Variants in PCLO observed in about 807,000 individuals in gnomAD.
PCLO encodes piccolo presynaptic cytomatrix protein.
PCLO carries 82 observed loss-of-function variants against 427.5 expected under a neutral mutation model. That is an observed-to-expected ratio of 0.19 (90% CI 0.16 to 0.23). The LOEUF (loss-of-function observed/expected upper bound fraction) is 0.23. PCLO is among the 10% of genes least tolerant of loss of function. PCLO has a pLI of 1.00. For synonymous variants in PCLO, 2,357 were observed against 2,155.4 expected (o/e 1.09, Z -2.59); for missense variants, 6,239 against 6,115.9 (o/e 1.02, Z -0.67).
Position 82,951,184 on chromosome 7 carries a change from T to A in PCLO, c.9404A>T (p.His3135Leu), listed in dbSNP as rs1046561307. ...DAVTSLPAMH[H>L]SQPMPRSYFI... ...ATATGATCTAGGCATTGGCTGGCTATGGTGCATGGCAGGTAATGAAGTCAC... is the reference window on the plus strand; with the variant it reads ...ATATGATCTAGGCATTGGCTGGCTAAGGTGCATGGCAGGTAATGAAGTCAC... Residue 3135 changes from histidine to leucine, a missense_variant, in exon 6 of 25, where the codon CAT becomes CTT. His to Leu is a moderately conservative substitution (Grantham distance 99). Transcript: ENST00000333891. The A allele has an allele frequency of 1.9e-6, 3 of 1,613,638 alleles. No homozygotes were observed. The highest frequency in any genetic ancestry group is 1.7e-6 in the Non-Finnish European group (2 of 1,179,762).
chr7:82,801,507 T>A lies in PCLO; in HGVS notation c.15007+11A>T, dbSNP rs2129468681. The A allele has an allele frequency of 6.7e-7, 1 of 1,484,798 alleles. No individual in the cohort carries two copies. Among genetic ancestry groups the A allele is most frequent in the East Asian group, 2.3e-5 (1 of 44,114 alleles). 92.0% of individuals were successfully genotyped at this position (1,484,798 alleles called of 1,614,324 possible). ...TTCAGCCAAAATCCAATATTGTAAA[T>A]TTTTACTTACCTTCAGTGTCTGCTA... On this transcript the variant is annotated intron_variant, in intron 22 of 24. Transcript: ENST00000333891.
chr7:82,810,687 A>G (rs1450123229), intron 20 of PCLO, among the ~76,000 whole-genome samples: 2 of 151,744 alleles, frequency 1.3e-5, no homozygotes, highest in Non-Finnish European at 3.0e-5. Context: ...AGATGGTTCA[A>G]CATCATTGTG....
intron 24 of PCLO, among the ~76,000 whole-genome samples, chr7:82,759,758 A>G (rs1401418815): frequency 6.6e-6 from 1 of 151,448 alleles, no homozygotes; most frequent in Admixed American, 6.6e-5. Flanking sequence ...TCATTCCCCC[A>G]TTTCTACTTT....
chr7:82,972,301 G>C (rs1044749294), intron 3 of PCLO, among the ~76,000 whole-genome samples: 6 of 151,980 alleles, frequency 3.9e-5, no homozygotes, highest in African/African-American at 1.4e-4. Context: ...CCAGAGAAGG[G>C]ATGCTACTGT....
intron 10 of PCLO, among the ~76,000 whole-genome samples, chr7:82,874,102 C>G (rs1793307933): frequency 2.0e-5 from 3 of 151,804 alleles, no homozygotes; most frequent in African/African-American, 7.3e-5. Context: ...CCGCACATAT[C>G]GTTTTATTTG....
chr7:82,903,224 T>G (rs1352022385), intron 8 of PCLO, among the ~76,000 whole-genome samples: 1 of 151,984 alleles, frequency 6.6e-6, no homozygotes, highest in African/African-American at 2.4e-5. Flanking sequence ...GATTACTTTA[T>G]GTTTGTGTTT....
intron 1 of PCLO, among the ~76,000 whole-genome samples, chr7:83,161,454 A>G (rs1356380622): frequency 1.3e-5 from 2 of 152,160 alleles, no homozygotes; most frequent in East Asian, 1.9e-4. Flanking sequence ...CAATGATTAT[A>G]CCCCTCTCAG....
At chr7:82,787,208 G>A (rs1791003318) in intron 22 of PCLO, among the ~76,000 whole-genome samples, 2 of 151,964 alleles carry the variant, frequency 1.3e-5, no homozygotes, top group African/African-American at 4.8e-5. Flanking sequence ...CACCAAGACT[G>A]TAAAAGCATT....
intron 12 of PCLO, 29 bp from the exon 13 acceptor site, chr7:82,845,514 C>G (rs1228391797): frequency 6.8e-7 from 1 of 1,465,530 alleles, no homozygotes; most frequent in African/African-American, 1.4e-5. Context: ...GATTTACATA[C>G]TTCTCCATTT....
intron 3 of PCLO, among the ~76,000 whole-genome samples, chr7:83,017,672 T>C (rs1222913046): frequency 6.6e-6 from 1 of 151,964 alleles, no homozygotes; most frequent in African/African-American, 2.4e-5. Context: ...TGTTACTCTT[T>C]TGCATCCTGA....
intron 20 of PCLO, among the ~76,000 whole-genome samples, chr7:82,809,384 C>T (rs563271347): frequency 6.6e-6 from 1 of 151,664 alleles, no homozygotes; most frequent in African/African-American, 2.4e-5. Flanking sequence ...CCATCACTTT[C>T]TTGTATCTAA....
rs200099938 is a variant in PCLO, at chr7:83,155,424, C to T, written c.1217G>A (p.Gly406Glu). ...CTGCTGGGTTGGAGGCTTTGCTGGCCCTGGCTGTTGAGCTGGAGTCTTTCC... is the reference window on the plus strand; with the variant it reads ...CTGCTGGGTTGGAGGCTTTGCTGGCTCTGGCTGTTGAGCTGGAGTCTTTCC... The part of the protein sequence containing the change: ...GVGKTPAQQP[G>E]PAKPPTQQVG... Residue 406 changes from glycine to glutamate, a missense_variant, in exon 2 of 25, where the codon GGG becomes GAG. Coordinates refer to ENST00000333891, the MANE Select transcript of PCLO (RefSeq NM_033026.6). 510 of 1,613,740 alleles carry T rather than the reference C, an allele frequency of 3.2e-4. No individual in the cohort carries two copies. The highest frequency in any genetic ancestry group is 3.9e-4 in the Non-Finnish European group (463 of 1,179,882).
Position 82,980,414 on chromosome 7 carries a change from T to G in PCLO, c.3301-13927A>C, listed in dbSNP as rs146874898. On this transcript the variant is annotated intron_variant, in intron 3 of 24. Coordinates refer to ENST00000333891, the MANE Select transcript of PCLO (RefSeq NM_033026.6). ...TGGGGGAAGTCAGCTGGAGTCTCAC[T>G]GCCTGAAACGTTCAGCTGAGTCAAA... 4.6e-3 allele frequency among the ~76,000 whole-genome samples: 696 copies of G among 152,248 alleles called. 8 individuals are homozygous for G. The highest frequency in any genetic ancestry group is 0.017 in the Middle Eastern group (5 of 294).
chr7:83,052,496 C>G lies in PCLO; in HGVS notation c.3300+81754G>C, dbSNP rs138133129. Among the ~76,000 whole-genome samples the G allele has an allele frequency of 8.2e-3, 1,251 of 152,008 alleles. 28 individuals carry two copies. Among genetic ancestry groups the G allele is most frequent in the African/African-American group, 0.027 (1,123 of 41,510 alleles). ...TGGTAAAAAGGAAACACTGATAGTC[C>G]TATTAATTGGATAATATTGATATTT... is the stretch of plus-strand genomic sequence containing the variant. On this transcript the variant is annotated intron_variant, in intron 3 of 24. Transcript: ENST00000333891.
chr7:83,048,984 T>C (rs1789169129), intron 3 of PCLO, among the ~76,000 whole-genome samples: 1 of 152,168 alleles, frequency 6.6e-6, no homozygotes. Flanking sequence ...TAGAAGTTAT[T>C]AGAACAGATT....
At chr7:83,156,498 T>G in intron 1 of PCLO, 106 bp from the exon 2 acceptor site, 1 of 683,460 alleles carries the variant, frequency 1.5e-6, no homozygotes. Flanking sequence ...AAATTATGAA[T>G]GTATAAATAT....
rs776175823 is a variant in PCLO, at chr7:83,135,095, TAGA to T, written c.2452_2454del (p.Ser818del). The T allele has an allele frequency of 1.9e-6, 3 of 1,613,868 alleles. No individual in the cohort carries two copies. The African/African-American group carries it at 4.0e-5, about 22-fold the overall frequency. Reference sequence around the variant, plus strand: ...TCTGATGCAGGTCGAGGTATGGCTTTAGAATCAAATGGGCTGACTTTTTCCCCT... The same window carrying T: ...TCTGATGCAGGTCGAGGTATGGCTTTATCAAATGGGCTGACTTTTTCCCCT... On this transcript the variant is annotated inframe_deletion, in exon 3 of 25. Transcript: ENST00000333891.
At chr7:82,804,874 C>G (rs1213623545) in intron 21 of PCLO, among the ~76,000 whole-genome samples, 1 of 152,048 alleles carries the variant, frequency 6.6e-6, no homozygotes, top group Admixed American at 6.6e-5. Context: ...ACTGCTTTTG[C>G]CCTGGCGTAA....
In PCLO at chr7:82,951,888, G is replaced by C. The variant is rs1464885222; in HGVS notation, c.9065C>G (p.Ala3022Gly). Residue 3022 changes from alanine to glycine, a missense_variant, in exon 5 of 25, where the codon GCA becomes GGA. By Grantham distance (60) the Ala-to-Gly change is moderately conservative. Around this residue, in one of 5 missense-constraint regions of PCLO, gnomAD observed 4,677 missense variants for 4,468.4 expected, o/e 1.05. Coordinates refer to ENST00000333891, the MANE Select transcript of PCLO (RefSeq NM_033026.6). ...AACTCTCCCTGAAGTCAGATCTACT[G>C]CTGTGTCAGTTCCTTCAGAATAATC... is the stretch of plus-strand genomic sequence containing the variant. Reference protein sequence around the residue: ...AFDYSEGTDTAVDLTSGRVTT... With the variant: ...AFDYSEGTDTGVDLTSGRVTT... 1 of 1,613,416 alleles carries C rather than the reference G, an allele frequency of 6.2e-7. No individual in the cohort carries two copies. The highest frequency in any genetic ancestry group is 8.5e-7 in the Non-Finnish European group (1 of 1,179,660).
Sources: allele counts gnomAD v4.1 joint callset (sites outside exome capture counted in the v4.1 genomes callset), GRCh38; gene constraint gnomAD v4.1.1; regional missense constraint gnomAD v4.1.1; transcripts MANE v1.5; gene names NCBI Gene and HGNC (gene_info 2026-07-23, HGNC 2026-07-21).